Variants in GALNT9 observed in about 807,000 individuals in gnomAD.
The protein encoded by GALNT9 is GalNAc transferase 9.
A neutral mutation model predicts 63.1 loss-of-function variants in GALNT9; 47 were observed. The ratio of observed to expected loss-of-function variants is 0.75; its 90% CI spans 0.59 to 0.95. The LOEUF (loss-of-function observed/expected upper bound fraction) is 0.95. GALNT9 is among the 40% of genes least tolerant of loss of function. The pLI is 0.00. For synonymous variants in GALNT9, 396 were observed against 365.7 expected, an observed-to-expected ratio of 1.08 and a Z score of -0.94; for missense variants, 829 against 874.8, an observed-to-expected ratio of 0.95 and a Z score of 0.66.
intron 1 of GALNT9, among the ~76,000 whole-genome samples, chr12:132,291,464 C>T (rs1880838915): frequency 6.8e-6 from 1 of 146,116 alleles, no homozygotes; most frequent in Non-Finnish European, 1.5e-5. Flanking sequence ...CCCACATCCA[C>T]AGCACCCACG....
At chr12:132,230,618 C>T (rs1029814190) in intron 6 of GALNT9, among the ~76,000 whole-genome samples, 17 of 152,146 alleles carry the variant, frequency 1.1e-4, no homozygotes, top group Admixed American at 9.8e-4. Flanking sequence ...GAAGTCCTCA[C>T]GGAGTGGATG....
At chr12:132,217,676 TCTAC>T (rs1877271199) in intron 6 of GALNT9, among the ~76,000 whole-genome samples, 1 of 145,528 alleles carries the variant, frequency 6.9e-6, no homozygotes, top group Admixed American at 6.8e-5. Flanking sequence ...TATCCATCCA[TCTAC>T]CTACTCATTC....
At chr12:132,226,452 CAT>C (rs1447846365) in intron 6 of GALNT9, among the ~76,000 whole-genome samples, 6 of 149,674 alleles carry the variant, frequency 4.0e-5, no homozygotes, top group African/African-American at 1.5e-4. Flanking sequence ...ATCCCACACA[CAT>C]ACACCCACCC....
chr12:132,293,891 G>A lies in GALNT9; in HGVS notation c.239-7461C>T, dbSNP rs868946917. ...AAGCCGGGGGATCCCGTATACAGTCGGGGCCAGAAGGAGAAGCCAGGGGAC... is the reference window on the plus strand; with the variant it reads ...AAGCCGGGGGATCCCGTATACAGTCAGGGCCAGAAGGAGAAGCCAGGGGAC... On this transcript the variant is annotated intron_variant, in intron 1 of 10. Coordinates refer to ENST00000328957, the MANE Select transcript of GALNT9 (RefSeq NM_001122636.2). 4.6e-5 allele frequency among the ~76,000 whole-genome samples: 7 copies of A among 151,898 alleles called. No homozygotes were observed. In the East Asian group the frequency reaches 9.7e-4, roughly 21 times the overall value.
At chr12:132,256,161 C>A (rs1348604424) in intron 5 of GALNT9, among the ~76,000 whole-genome samples, 1 of 152,138 alleles carries the variant, frequency 6.6e-6, no homozygotes, top group African/African-American at 2.4e-5. Flanking sequence ...TGACCCCATC[C>A]TTTTCCAGCA....
At chr12:132,289,434 A>T (rs1555242494) in intron 1 of GALNT9, among the ~76,000 whole-genome samples, 1 of 152,154 alleles carries the variant, frequency 6.6e-6, no homozygotes, top group African/African-American at 2.4e-5. Flanking sequence ...GTTTTACTTT[A>T]TGTGGTTGGC....
intron 2 of GALNT9, among the ~76,000 whole-genome samples, chr12:132,270,955 G>C (rs1482823803): frequency 1.3e-5 from 2 of 151,956 alleles, no homozygotes; most frequent in African/African-American, 4.8e-5. Flanking sequence ...ACAGCGAGGG[G>C]GAGAAAGGAG....
chr12:132,207,547 T>C (rs967725398), intron 6 of GALNT9, among the ~76,000 whole-genome samples: 43 of 152,114 alleles, frequency 2.8e-4, no homozygotes, highest in African/African-American at 1.0e-3. Flanking sequence ...CGAGGCCCCT[T>C]CTTGGGTGAA....
chr12:132,329,127 A>G lies in GALNT9; in HGVS notation c.77T>C (p.Val26Ala), dbSNP rs1555246760. The G allele has an allele frequency of 4.5e-6, 7 of 1,549,530 alleles. No homozygotes were observed. Among genetic ancestry groups the G allele is most frequent in the Non-Finnish European group, 6.1e-6 (7 of 1,146,584 alleles). Reference protein sequence around the residue: ...LVFVGIVLFSVYCRLQGRSQE... With the variant: ...LVFVGIVLFSAYCRLQGRSQE... ...GGAGCGGCCCTGCAGGCGGCAGTAC[A>G]CGGAGAACAGGACGATGCCCACGAA... Residue 26 changes from valine (V) to alanine (A), a missense_variant, in exon 1 of 11, where the codon GTG becomes GCG. Val to Ala is a moderately conservative substitution (Grantham distance 64). Coordinates refer to ENST00000328957, the MANE Select transcript of GALNT9 (RefSeq NM_001122636.2).
In GALNT9 at chr12:132,203,431, C is replaced by G. The variant is rs1565983770; in HGVS notation, c.1263+74G>C. The G allele has an allele frequency of 2.7e-6, 4 of 1,472,690 alleles. No homozygotes were observed. The East Asian group carries it at 9.3e-5, about 34-fold the overall frequency. The allele number at this position is 1,472,690 out of a possible 1,614,324, so 91.2% of individuals were successfully genotyped here. A position where few individuals can be genotyped will look rare whatever the true frequency, so the allele number is the denominator to read the frequency against. Reference sequence around the variant, plus strand: ...GCAGGGGGCCCTAGGGGGCCTCCCTCCGGCCCAGCCCTGCCGTGGCATTGA... The same window carrying G: ...GCAGGGGGCCCTAGGGGGCCTCCCTGCGGCCCAGCCCTGCCGTGGCATTGA... On this transcript the variant is annotated intron_variant, in intron 7 of 10. Transcript: ENST00000328957.
chr12:132,217,336 C>T (rs560234151), intron 6 of GALNT9, among the ~76,000 whole-genome samples: 14 of 151,138 alleles, frequency 9.3e-5, no homozygotes, highest in African/African-American at 2.9e-4. Context: ...CATCCACCCA[C>T]TCATCCATCC....
chr12:132,213,849 C>T (rs894175771), intron 6 of GALNT9, among the ~76,000 whole-genome samples: 6 of 152,260 alleles, frequency 3.9e-5, no homozygotes, highest in Non-Finnish European at 8.8e-5. Context: ...AAAGAAAGAG[C>T]CTCGACTGCA....
intron 1 of GALNT9, among the ~76,000 whole-genome samples, chr12:132,314,901 G>A (rs1017130752): frequency 2.6e-5 from 4 of 152,334 alleles, no homozygotes; most frequent in Non-Finnish European, 4.4e-5. Context: ...CTCGGGTGGC[G>A]GAAATGAGAA....
chr12:132,199,219 G>T lies in GALNT9; in HGVS notation c.1452C>A (p.Asp484Glu). 6.2e-7 allele frequency: 1 copy of T among 1,604,282 alleles called. No individual in the cohort carries two copies. ...SAYCLDQGAEDGDRAILYPCH... is the reference protein window; with the variant it reads ...SAYCLDQGAEEGDRAILYPCH... ...AGGGGTAGAGGATCGCCCGGTCGCC[G>T]TCCTCCGCTCCCTGGTCCAGACAGT... The change falls in exon 9 of 11, where the codon GAC (aspartate) becomes GAA (glutamate). Residue 484 changes from aspartate (D) to glutamate (E), a missense_variant. By Grantham distance (45) the Asp-to-Glu change is conservative. Coordinates refer to ENST00000328957, the MANE Select transcript of GALNT9 (RefSeq NM_001122636.2).
At chr12:132,223,051 A>C (rs1486100402) in intron 6 of GALNT9, among the ~76,000 whole-genome samples, 16 of 74,276 alleles carry the variant, frequency 2.2e-4, no homozygotes, top group East Asian at 8.9e-4. Context: ...ACACAGACAC[A>C]CCACACAACC....
intron 2 of GALNT9, chr12:132,272,971 C>G (rs1339117686): frequency 6.6e-6 from 1 of 152,366 alleles, no homozygotes; most frequent in Non-Finnish European, 1.5e-5. Flanking sequence ...GCCTTAGGGC[C>G]CCACTCCTCC....
intron 1 of GALNT9, among the ~76,000 whole-genome samples, chr12:132,304,781 A>G (rs1593116990): frequency 3.4e-5 from 2 of 58,914 alleles, no homozygotes; most frequent in African/African-American, 7.4e-5. Flanking sequence ...ACCCGGGCAC[A>G]CCCTCGCCCA....
intron 1 of GALNT9, among the ~76,000 whole-genome samples, chr12:132,301,003 C>G (rs566294801): frequency 1.3e-5 from 2 of 152,272 alleles, no homozygotes; most frequent in Non-Finnish European, 2.9e-5. Flanking sequence ...CAGCACTGAC[C>G]GTTCCTCGTG....
At chr12:132,301,801 C>A (rs537667158) in intron 1 of GALNT9, among the ~76,000 whole-genome samples, 3 of 152,304 alleles carry the variant, frequency 2.0e-5, no homozygotes, top group African/African-American at 7.2e-5. Context: ...CAGGGGGGCA[C>A]GGAACATTTG....
Sources: gnomAD v4.1 joint callset for allele counts (sites outside exome capture counted in the v4.1 genomes callset) on GRCh38, gnomAD v4.1.1 for gene constraint, MANE v1.5 for transcripts, NCBI Gene and HGNC (gene_info 2026-07-23, HGNC 2026-07-21) for gene names.